The following AMOTL1 variants were observed in gnomAD, a reference collection of about 807,000 sequenced individuals.
The protein encoded by AMOTL1 is angiomotin like 1.
AMOTL1 carries 45 observed loss-of-function variants against 102.9 expected under a neutral mutation model. The observed-to-expected ratio is 0.44, with a 90% CI of 0.34 to 0.56. The LOEUF (loss-of-function observed/expected upper bound fraction) is 0.56. Among genes scored for constraint, AMOTL1 ranks in the 20% least tolerant of loss-of-function variants. AMOTL1 has a pLI of 0.01. For synonymous variants in AMOTL1, 481 were observed against 484.7 expected, an observed-to-expected ratio of 0.99 and a Z score of 0.10; for missense variants, 1,114 against 1,225.6, an observed-to-expected ratio of 0.91 and a Z score of 1.36.
chr11:94,713,034 G>GC (rs571447152), intron 1 of AMOTL1, among the ~76,000 whole-genome samples: 9 of 150,498 alleles, frequency 6.0e-5, no homozygotes, highest in Non-Finnish European at 1.2e-4. Flanking sequence ...GTCAAATTTA[G>GC]TTTTTTTTTG....
At chr11:94,764,613 T>A (rs1299788814), upstream of AMOTL1, among the ~76,000 whole-genome samples, 2 of 152,194 alleles carry the variant, frequency 1.3e-5, no homozygotes, top group Non-Finnish European at 2.9e-5. Flanking sequence ...CATCCACTCT[T>A]CTTTTGCTGT....
At chr11:94,865,410 G>A (rs1286918410) in intron 10 of AMOTL1, among the ~76,000 whole-genome samples, 1 of 152,172 alleles carries the variant, frequency 6.6e-6, no homozygotes, top group Non-Finnish European at 1.5e-5. Context: ...TGTGAAAATA[G>A]GGCTGAGTAG....
intron 5 of AMOTL1, among the ~76,000 whole-genome samples, chr11:94,830,843 G>C (rs1358410942): frequency 6.6e-6 from 1 of 152,218 alleles, no homozygotes; most frequent in Non-Finnish European, 1.5e-5. Flanking sequence ...GTAGTACCCA[G>C]TAGCTAGATC....
intron 3 of AMOTL1, among the ~76,000 whole-genome samples, chr11:94,742,021 A>G (rs186048097): frequency 6.6e-6 from 1 of 152,316 alleles, no homozygotes; most frequent in East Asian, 1.9e-4. Context: ...TTCCACCTCA[A>G]CAACGACTTT....
At chr11:94,744,302 G>T (rs1950564207) in intron 3 of AMOTL1, among the ~76,000 whole-genome samples, 1 of 152,200 alleles carries the variant, frequency 6.6e-6, no homozygotes, top group African/African-American at 2.4e-5. Context: ...TATTTTAAAG[G>T]ATATAAATGA....
Position 94,799,970 on chromosome 11 carries a change from G to C in AMOTL1, c.780G>C (p.Ser260=). The C allele has an allele frequency of 6.2e-7, 1 of 1,614,036 alleles. No individual in the cohort carries two copies. The highest frequency in any genetic ancestry group is 8.5e-7 in the Non-Finnish European group (1 of 1,179,886). Residue 260 remains serine, a synonymous_variant, in exon 3 of 13, where the codon TCG becomes TCC. Transcript: ENST00000433060. This position sits in a 1 kb window ranked among gnomAD's most constrained non-coding sequence, Gnocchi z 4.5. ...AACTGAAGCAGGGCCACGTCCGCTCGCTCAGCGAGAGAATCATGCAGCTGT... is the reference window on the plus strand; with the variant it reads ...AACTGAAGCAGGGCCACGTCCGCTCCCTCAGCGAGAGAATCATGCAGCTGT... ...LKELKQGHVR[S]LSERIMQLSL...
At chr11:94,841,044 T>C (rs1952291379) in intron 6 of AMOTL1, among the ~76,000 whole-genome samples, 1 of 152,176 alleles carries the variant, frequency 6.6e-6, no homozygotes, top group Non-Finnish European at 1.5e-5. Flanking sequence ...CTTTATATTA[T>C]GGCCAGGTTT....
At chr11:94,786,934 T>C (rs1951198849) in intron 1 of AMOTL1, among the ~76,000 whole-genome samples, 1 of 152,170 alleles carries the variant, frequency 6.6e-6, no homozygotes, top group Non-Finnish European at 1.5e-5. Flanking sequence ...AGACGATTCA[T>C]TGGTAAAATA....
At chr11:94,849,386 C>T (rs1036906575) in intron 6 of AMOTL1, among the ~76,000 whole-genome samples, 2 of 152,182 alleles carry the variant, frequency 1.3e-5, no homozygotes, top group Non-Finnish European at 2.9e-5. Flanking sequence ...ACACTATCGA[C>T]GCTGCCTGCT....
chr11:94,783,802 T>C (rs999907966), intron 1 of AMOTL1, among the ~76,000 whole-genome samples: 1 of 152,248 alleles, frequency 6.6e-6, no homozygotes, highest in African/African-American at 2.4e-5. Context: ...TGGCAGATGC[T>C]CACTGTCATA....
At chr11:94,819,926 T>C (rs1305825945) in intron 3 of AMOTL1, among the ~76,000 whole-genome samples, 1 of 152,198 alleles carries the variant, frequency 6.6e-6, no homozygotes, top group Non-Finnish European at 1.5e-5. Context: ...TAGGATGGAC[T>C]TGTTAGGAAT....
At chr11:94,751,892 C>T (rs1950660688) in intron 3 of AMOTL1, among the ~76,000 whole-genome samples, 1 of 151,876 alleles carries the variant, frequency 6.6e-6, no homozygotes, top group Non-Finnish European at 1.5e-5. Flanking sequence ...GGAAGAGTGG[C>T]CATTCATTCC....
chr11:94,842,276 C>T (rs1248735652), intron 6 of AMOTL1, among the ~76,000 whole-genome samples: 4 of 152,118 alleles, frequency 2.6e-5, no homozygotes, highest in East Asian at 3.9e-4. Context: ...TTCGACGCAC[C>T]GTGAAGAGAG....
chr11:94,707,244 C>CTGTGTGTGTG (rs1224329236), intron 1 of AMOTL1, among the ~76,000 whole-genome samples: 2,041 of 55,264 alleles, frequency 0.037, 33 homozygotes, highest in Non-Finnish European at 0.083. Context: ...CTCTCTCTCT[C>CTGTGTGTGTG]TCTCTCTGTG....
intron 1 of AMOTL1, among the ~76,000 whole-genome samples, chr11:94,793,077 C>T (rs73514292): frequency 0.031 from 4,713 of 152,124 alleles, 191 homozygotes; most frequent in African/African-American, 0.095. Context: ...TATATATATA[C>T]ACACACACAT....
intron 3 of AMOTL1, among the ~76,000 whole-genome samples, chr11:94,755,783 G>A (rs1950716264): frequency 6.6e-6 from 1 of 152,190 alleles, no homozygotes; most frequent in African/African-American, 2.4e-5. Context: ...ACTGTTTACA[G>A]CTCCCGAAGC....
chr11:94,715,591 C>T (rs1352586935), intron 1 of AMOTL1, among the ~76,000 whole-genome samples: 2 of 152,076 alleles, frequency 1.3e-5, no homozygotes, highest in African/African-American at 2.4e-5. Context: ...GTCTTTATTT[C>T]CCCCTTCATT....
intron 2 of AMOTL1, among the ~76,000 whole-genome samples, chr11:94,736,184 C>G (rs1950437002): frequency 6.6e-6 from 1 of 152,112 alleles, no homozygotes; most frequent in Admixed American, 6.5e-5. Context: ...CACCTGCCAC[C>G]TGGGATGAAA....
At chr11:94,719,591 A>T (rs1333866234) in intron 1 of AMOTL1, among the ~76,000 whole-genome samples, 5 of 145,368 alleles carry the variant, frequency 3.4e-5, no homozygotes, top group East Asian at 2.2e-4. Context: ...TGTGTGTGAG[A>T]GAGAGAGAGA....
Sources: gnomAD v4.1 joint callset for allele counts (sites outside exome capture counted in the v4.1 genomes callset) on GRCh38, gnomAD v4.1.1 for gene constraint, Gnocchi (gnomAD v3.1) non-coding constraint, MANE v1.5 for transcripts, NCBI Gene and HGNC (gene_info 2026-07-23, HGNC 2026-07-21) for gene names.